Variants in PRDM2 observed in about 807,000 individuals in gnomAD.
PRDM2 encodes the protein PR/SET domain 2, also known as PR domain zinc finger protein 2.
In PRDM2, 30 loss-of-function variants were observed where a neutral mutation model predicts 130.0. That is an observed-to-expected ratio of 0.23 (90% CI 0.17 to 0.31). The LOEUF is 0.31. Among genes scored for constraint, PRDM2 ranks in the 10% least tolerant of loss-of-function variants. PRDM2 has a pLI of 1.00. For synonymous variants in PRDM2, 871 were observed against 782.4 expected, an observed-to-expected ratio of 1.11 and a Z score of -1.89; for missense variants, 2,011 against 2,108.4, an observed-to-expected ratio of 0.95 and a Z score of 0.90.
At chr1:13,796,205 G>A (rs781247038) in intron 8 of PRDM2, among the ~76,000 whole-genome samples, 4 of 152,166 alleles carry the variant, frequency 2.6e-5, no homozygotes, top group Non-Finnish European at 5.9e-5. Context: ...AGAAGCTTGA[G>A]ATGTGACTTT....
intron 9 of PRDM2, among the ~76,000 whole-genome samples, chr1:13,820,631 G>C (rs865814502): frequency 6.6e-6 from 1 of 152,222 alleles, no homozygotes; most frequent in Non-Finnish European, 1.5e-5. Flanking sequence ...CTGTGGGCAG[G>C]ATTTCTGACA....
intron 1 of PRDM2, among the ~76,000 whole-genome samples, chr1:13,712,688 G>C (rs1557593355): frequency 6.6e-6 from 1 of 152,156 alleles, no homozygotes; most frequent in African/African-American, 2.4e-5. Context: ...ACCCTGGAAG[G>C]AGGTGGGGGC....
chr1:13,757,032 T>G (rs1341529147), intron 6 of PRDM2, among the ~76,000 whole-genome samples: 2 of 152,262 alleles, frequency 1.3e-5, no homozygotes, highest in Non-Finnish European at 2.9e-5. Context: ...CAGTGTTTTA[T>G]TTGCTTTACT....
chr1:13,725,624 A>G (rs1392557087), intron 2 of PRDM2, among the ~76,000 whole-genome samples: 1 of 152,254 alleles, frequency 6.6e-6, no homozygotes, highest in African/African-American at 2.4e-5. Flanking sequence ...TACAGGCCTT[A>G]TTCATAAATC....
intron 8 of PRDM2, among the ~76,000 whole-genome samples, chr1:13,800,142 A>G (rs1208174655): frequency 6.6e-6 from 1 of 152,222 alleles, no homozygotes; most frequent in Non-Finnish European, 1.5e-5. Flanking sequence ...TTTAGGTGCC[A>G]GGGGATATAG....
At chr1:13,735,186 A>T (rs1041835634) in intron 4 of PRDM2, among the ~76,000 whole-genome samples, 1 of 152,228 alleles carries the variant, frequency 6.6e-6, no homozygotes, top group African/African-American at 2.4e-5. Context: ...TGATTATCTA[A>T]CCCAGTCTTA....
chr1:13,717,090 T>G (rs1642566485), intron 2 of PRDM2, among the ~76,000 whole-genome samples: 1 of 152,240 alleles, frequency 6.6e-6, no homozygotes, highest in African/African-American at 2.4e-5. Flanking sequence ...ATCAGAAATG[T>G]TTATTTTAAT....
At chr1:13,751,033 G>A (rs1643818934) in intron 6 of PRDM2, among the ~76,000 whole-genome samples, 1 of 152,120 alleles carries the variant, frequency 6.6e-6, no homozygotes, top group Admixed American at 6.5e-5. Context: ...TAGTTTAATA[G>A]CAACCTTACT....
chr1:13,797,952 C>T (rs1281988578), intron 8 of PRDM2, among the ~76,000 whole-genome samples: 2 of 152,162 alleles, frequency 1.3e-5, no homozygotes, highest in Non-Finnish European at 2.9e-5. Context: ...TTTACCATCT[C>T]TTTGATATAC....
chr1:13,781,386 A>G lies in PRDM2; in HGVS notation c.3591A>G (p.Lys1197=). 1 of 1,614,172 alleles carries G rather than the reference A, an allele frequency of 6.2e-7. No individual in the cohort carries two copies. Among genetic ancestry groups the G allele is most frequent in the Non-Finnish European group, 8.5e-7 (1 of 1,180,046 alleles). The part of the protein sequence containing the change: ...VGNIFVCSVC[K]KEFAFLCNLQ... Reference sequence around the variant, plus strand: ...ATATCTTTGTGTGTTCTGTTTGTAAAAAAGAATTTGCTTTTTTGTGCAATT... The same window carrying G: ...ATATCTTTGTGTGTTCTGTTTGTAAGAAAGAATTTGCTTTTTTGTGCAATT... Residue 1197 remains lysine (K), a synonymous_variant, in exon 8 of 10, where the codon AAA becomes AAG. Coordinates refer to ENST00000311066, the MANE Select transcript of PRDM2 (RefSeq NM_001393986.1). The surrounding 1 kb of genome is among the most constrained non-coding windows in gnomAD (Gnocchi z 6.1).
intron 4 of PRDM2, among the ~76,000 whole-genome samples, chr1:13,737,815 A>G (rs1643317149): frequency 6.6e-6 from 1 of 152,108 alleles, no homozygotes; most frequent in Non-Finnish European, 1.5e-5. Context: ...TTATTCATTC[A>G]TTTAACCCCT....
In PRDM2 at chr1:13,772,886, T is replaced by G. The variant is rs1317281223; in HGVS notation, c.512-192T>G. On this transcript the variant is annotated intron_variant, in intron 6 of 9. Transcript: ENST00000311066. ...TTTCCCCTCTGTCATAATTTACCTATATAACAGAGTATTTACAGTCATCAT... is the reference window on the plus strand; with the variant it reads ...TTTCCCCTCTGTCATAATTTACCTAGATAACAGAGTATTTACAGTCATCAT... Among the ~76,000 whole-genome samples, 3 of 152,200 alleles carry G rather than the reference T, an allele frequency of 2.0e-5. No individual in the cohort carries two copies. The East Asian group carries it at 5.8e-4, about 29-fold the overall frequency.
At chr1:13,783,068 A>T in intron 8 of PRDM2, 19 of 932,006 alleles carry the variant, frequency 2.0e-5, no homozygotes, top group Non-Finnish European at 3.0e-5. Flanking sequence ...ATGTGGCCAG[A>T]TGTAAATTGA....
intron 1 of PRDM2, among the ~76,000 whole-genome samples, chr1:13,707,818 A>C (rs1428332923): frequency 6.7e-6 from 1 of 149,946 alleles, no homozygotes; most frequent in Non-Finnish European, 1.5e-5. Context: ...ATTGACAATA[A>C]TTCTTTTTTT....
rs559256081 is a variant in PRDM2 at position 13,724,188 on chromosome 1, T to C, written c.10-6812T>C. ...AGCTTCACCACCCTGGGGTTTAAAG[T>C]ATTGGGAACTTTTCTTCTGCTTTTT... On this transcript the variant is annotated intron_variant, in intron 2 of 9. Coordinates refer to ENST00000311066, the MANE Select transcript of PRDM2 (RefSeq NM_001393986.1). 6.8e-4 allele frequency among the ~76,000 whole-genome samples: 104 copies of C among 152,248 alleles called. 2 individuals are homozygous for C. Among genetic ancestry groups the C allele is most frequent in the Admixed American group, 2.2e-3 (33 of 15,296 alleles).
intron 8 of PRDM2, chr1:13,787,720 G>A (rs1380008084): frequency 4.1e-6 from 4 of 984,492 alleles, no homozygotes; most frequent in Non-Finnish European, 4.8e-6. Context: ...TTTTTTGTTG[G>A]CGTTGTTAAC....
At chr1:13,792,261 A>G (rs1326220628) in intron 8 of PRDM2, among the ~76,000 whole-genome samples, 1 of 152,252 alleles carries the variant, frequency 6.6e-6, no homozygotes. Context: ...AATAGGACTC[A>G]CTTTAAAAAA....
chr1:13,734,109 T>C (rs190725533), intron 4 of PRDM2, among the ~76,000 whole-genome samples: 1 of 152,348 alleles, frequency 6.6e-6, no homozygotes, highest in Admixed American at 6.5e-5. Flanking sequence ...CTTCTGACTA[T>C]TAACGGGGGG....
intron 5 of PRDM2, among the ~76,000 whole-genome samples, chr1:13,743,022 G>C (rs528690234): frequency 6.6e-6 from 1 of 152,330 alleles, no homozygotes; most frequent in East Asian, 1.9e-4. Context: ...AGGGACATGA[G>C]TGTGAGGAAG....
Sources: gnomAD v4.1 joint callset for allele counts (sites outside exome capture counted in the v4.1 genomes callset) on GRCh38, gnomAD v4.1.1 for gene constraint, Gnocchi (gnomAD v3.1) non-coding constraint, MANE v1.5 for transcripts, NCBI Gene and HGNC (gene_info 2026-07-23, HGNC 2026-07-21) for gene names.